KSR2: variants seen among roughly 807,000 people sequenced by gnomAD.
KSR2 encodes kinase suppressor of ras 2.
Under a neutral mutation model 107.8 loss-of-function variants are expected in KSR2, and 25 were observed. The observed-to-expected ratio is 0.23, with a 90% CI of 0.17 to 0.32. The LOEUF is 0.32. Ranked by LOEUF, KSR2 falls within the 10% of genes least tolerant of loss-of-function variation. The pLI is 1.00. For synonymous variants in KSR2, 480 were observed against 507.0 expected (o/e 0.95, Z 0.71); for missense variants, 887 against 1,268.9 (o/e 0.70, Z 4.57).
chr12:117,495,969 G>C lies in KSR2; in HGVS notation c.2220-10278C>G, dbSNP rs193161755. 1.4e-4 allele frequency among the ~76,000 whole-genome samples: 21 copies of C among 150,460 alleles called. No individual in the cohort carries two copies. The East Asian group carries it at 4.1e-3, about 30-fold the overall frequency. ...CTCAGGAGGCCGAGGCAGGAGAATT[G>C]CCTGAACCTGGAAGGCAGAGGTTGC... On this transcript the variant is annotated intron_variant, in intron 14 of 19. Coordinates refer to ENST00000339824, the MANE Select transcript of KSR2 (RefSeq NM_173598.6).
intron 7 of KSR2, among the ~76,000 whole-genome samples, chr12:117,569,398 C>A (rs1593003119): frequency 6.6e-6 from 1 of 152,114 alleles, no homozygotes; most frequent in South Asian, 2.1e-4. Context: ...GAAGTAGGTA[C>A]AAGCATGTCT....
At chr12:117,589,490 G>T (rs1402598591) in intron 5 of KSR2, among the ~76,000 whole-genome samples, 3 of 152,200 alleles carry the variant, frequency 2.0e-5, no homozygotes, top group Non-Finnish European at 4.4e-5. Flanking sequence ...CTGCCCTTAA[G>T]CTTCCAGCCC....
chr12:117,893,907 C>CTTTTTTT (rs56095185), intron 1 of KSR2, among the ~76,000 whole-genome samples: 1 of 129,332 alleles, frequency 7.7e-6, no homozygotes, highest in African/African-American at 3.0e-5. Context: ...GAACAAAATT[C>CTTTTTTT]TTTTTTTTTT....
Position 117,469,145 on chromosome 12 carries a change from G to T in KSR2, c.2846+517C>A, listed in dbSNP as rs897951628. ...CTCCAGCCAGAAACAAGGGGGAGGA[G>T]CATGGTCTGGAGCCTCTTATGAGGA... On this transcript the variant is annotated intron_variant, in intron 19 of 19. Transcript: ENST00000339824. Among the ~76,000 whole-genome samples the T allele has an allele frequency of 2.0e-5, 3 of 152,324 alleles. No homozygotes were observed. In the East Asian group the frequency reaches 5.8e-4, roughly 29 times the overall value.
chr12:117,563,169 C>T (rs2137367850), intron 7 of KSR2, among the ~76,000 whole-genome samples: 1 of 152,252 alleles, frequency 6.6e-6, no homozygotes, highest in South Asian at 2.1e-4. Context: ...ACCAGGAGAC[C>T]ACCTGCTTCA....
intron 3 of KSR2, among the ~76,000 whole-genome samples, chr12:117,825,086 C>G (rs1009273636): frequency 4.0e-5 from 6 of 151,872 alleles, no homozygotes; most frequent in Admixed American, 6.6e-5. Flanking sequence ...GGAGACTGGA[C>G]AGGAGAACCG....
chr12:117,855,355 A>G (rs574259579), intron 3 of KSR2, 73 bp downstream of exon 3: 1 of 1,557,364 alleles, frequency 6.4e-7, no homozygotes, highest in East Asian at 2.3e-5. Flanking sequence ...AGTGGCGGGC[A>G]CGGGATGCCG....
At chr12:117,788,261 C>G (rs372853125) in intron 3 of KSR2, among the ~76,000 whole-genome samples, 11 of 152,322 alleles carry the variant, frequency 7.2e-5, no homozygotes, top group African/African-American at 2.4e-4. Flanking sequence ...CTCCCTGTAT[C>G]TAGAAGACTT....
intron 14 of KSR2, among the ~76,000 whole-genome samples, chr12:117,516,931 T>C (rs1349685775): frequency 6.6e-6 from 1 of 152,220 alleles, no homozygotes; most frequent in African/African-American, 2.4e-5. Flanking sequence ...TCCAGTCTTC[T>C]TTGCAGTTAG....
At chr12:117,742,159 C>T (rs1012620880) in intron 4 of KSR2, among the ~76,000 whole-genome samples, 3 of 152,136 alleles carry the variant, frequency 2.0e-5, no homozygotes, top group Admixed American at 6.6e-5. Context: ...AGGAAAAAAA[C>T]AAGTTGAAAG....
chr12:117,756,792 C>T (rs190121852), intron 4 of KSR2, among the ~76,000 whole-genome samples: 1 of 152,298 alleles, frequency 6.6e-6, no homozygotes, highest in African/African-American at 2.4e-5. Context: ...CAGTGGCTCA[C>T]GCCTGTAATC....
At chr12:117,822,780 G>C (rs1032248578) in intron 3 of KSR2, among the ~76,000 whole-genome samples, 1 of 152,150 alleles carries the variant, frequency 6.6e-6, no homozygotes, top group African/African-American at 2.4e-5. Flanking sequence ...CCCGGGAAAA[G>C]ATCAAGATTC....
intron 5 of KSR2, 81 bp from the exon 6 acceptor site, chr12:117,582,440 G>A: frequency 9.7e-7 from 1 of 1,036,138 alleles, no homozygotes; most frequent in East Asian, 2.4e-5. Flanking sequence ...AGGAAAAGGG[G>A]GGCTCGTCAC....
intron 3 of KSR2, among the ~76,000 whole-genome samples, chr12:117,775,649 A>G (rs1889659995): frequency 6.6e-6 from 1 of 152,192 alleles, no homozygotes; most frequent in Admixed American, 6.5e-5. Flanking sequence ...ACGAGTACCC[A>G]GGGGATAGGA....
chr12:117,800,168 G>A (rs921264796), intron 3 of KSR2, among the ~76,000 whole-genome samples: 8 of 152,182 alleles, frequency 5.3e-5, no homozygotes, highest in Admixed American at 2.6e-4. Flanking sequence ...GCTCACCTCT[G>A]GGCAGGGCCA....
chr12:117,583,410 T>C (rs1879806174), intron 5 of KSR2, among the ~76,000 whole-genome samples: 1 of 3,154 alleles, frequency 3.2e-4, no homozygotes, highest in South Asian at 0.033. Context: ...AGTGAGTGGA[T>C]GGATGGATGG....
chr12:117,737,889 C>T (rs1888006030), intron 4 of KSR2, among the ~76,000 whole-genome samples: 1 of 149,714 alleles, frequency 6.7e-6, no homozygotes, highest in Admixed American at 6.7e-5. Context: ...TTCCTAATAA[C>T]ACTAAAATGT....
chr12:117,575,536 A>G (rs1243014845), intron 7 of KSR2, among the ~76,000 whole-genome samples: 1 of 152,228 alleles, frequency 6.6e-6, no homozygotes, highest in Non-Finnish European at 1.5e-5. Context: ...GAAAACACAT[A>G]TAAATAACCC....
chr12:117,606,697 T>TTTCTTCCTCCCATTCTTCCTCCCTTCCC (rs1295141338), intron 5 of KSR2, among the ~76,000 whole-genome samples: 1 of 140,444 alleles, frequency 7.1e-6, no homozygotes, highest in Non-Finnish European at 1.5e-5. Flanking sequence ...CCTCCCTTCC[T>TTTCTTCCTCCCATTCTTCCTCCCTTCCC]TTCTTCCTCC....
Sources: allele counts gnomAD v4.1 joint callset (sites outside exome capture counted in the v4.1 genomes callset), GRCh38; gene constraint gnomAD v4.1.1; transcripts MANE v1.5; gene names NCBI Gene and HGNC (gene_info 2026-07-23, HGNC 2026-07-21).